SOX6: variants seen among roughly 807,000 people sequenced by gnomAD.
SOX6 encodes transcription factor SOX-6.
Under a neutral mutation model 97.8 loss-of-function variants are expected in SOX6, and 11 were observed. The ratio of observed to expected loss-of-function variants is 0.11; its 90% CI spans 0.07 to 0.19. The LOEUF (loss-of-function observed/expected upper bound fraction) is 0.19. Ranked by LOEUF, SOX6 falls within the 10% of genes least tolerant of loss-of-function variation. The probability of loss-of-function intolerance (pLI) is 1.00; values close to 1 mark genes in which losing one functional copy is unlikely to be tolerated. For missense variants in SOX6, 810 were observed against 1,039.5 expected, an observed-to-expected ratio of 0.78 and a Z score of 3.04; for synonymous variants, 360 against 371.4, an observed-to-expected ratio of 0.97 and a Z score of 0.35.
chr11:16,328,629 G>A (rs1856180077), intron 2 of SOX6, among the ~76,000 whole-genome samples: 1 of 152,096 alleles, frequency 6.6e-6, no homozygotes, highest in Non-Finnish European at 1.5e-5. Context: ...GACAATATAT[G>A]TAACATTTTT....
intron 6 of SOX6, among the ~76,000 whole-genome samples, chr11:16,153,762 A>G (rs559005514): frequency 9.9e-4 from 151 of 152,294 alleles, no homozygotes; most frequent in Non-Finnish European, 1.7e-3. Context: ...TGAGACAGAT[A>G]TGTGATCTCA....
chr11:16,564,670 C>T lies in SOX6; in HGVS notation n.609+47411G>A, dbSNP rs1265610241. Reference sequence around the variant, plus strand: ...TCAGTAAGAAAGAAAGAACTATCTCCAAATCCTTGGAAACTAAGCAACACA... The same window carrying T: ...TCAGTAAGAAAGAAAGAACTATCTCTAAATCCTTGGAAACTAAGCAACACA... On this transcript the variant is annotated intron_variant and non_coding_transcript_variant, in intron 4 of 5. Transcript: ENST00000524520. 2.0e-5 allele frequency among the ~76,000 whole-genome samples: 3 copies of T among 151,910 alleles called. No homozygotes were observed. In the East Asian group the frequency reaches 5.8e-4, roughly 29 times the overall value.
intron 3 of SOX6, among the ~76,000 whole-genome samples, chr11:16,250,267 A>C (rs1438322418): frequency 8.2e-6 from 1 of 121,922 alleles, no homozygotes; most frequent in Non-Finnish European, 1.7e-5. Context: ...TATAAAACAT[A>C]ATTGCAAGCC....
chr11:16,132,111 C>G (rs949616196), intron 6 of SOX6, among the ~76,000 whole-genome samples: 1 of 151,164 alleles, frequency 6.6e-6, no homozygotes, highest in Admixed American at 6.6e-5. Flanking sequence ...TATGAGATGA[C>G]TGTGATTAAG....
At chr11:16,028,960 T>A (rs1356393636) in intron 12 of SOX6, among the ~76,000 whole-genome samples, 1 of 152,242 alleles carries the variant, frequency 6.6e-6, no homozygotes, top group Non-Finnish European at 1.5e-5. Context: ...ACAAGGCTCG[T>A]CATCTTCACA....
chr11:16,581,773 C>T (rs1312299107), intron 4 of SOX6, among the ~76,000 whole-genome samples: 1 of 151,826 alleles, frequency 6.6e-6, no homozygotes, highest in Non-Finnish European at 1.5e-5. Context: ...ACCAACCTGG[C>T]CAAGATGATG....
chr11:16,667,120 G>A (rs1025933836), intron 3 of SOX6, among the ~76,000 whole-genome samples: 19 of 150,372 alleles, frequency 1.3e-4, no homozygotes, highest in African/African-American at 4.7e-4. Flanking sequence ...CAGCTGAGTA[G>A]TCCCAGCTAC....
Position 16,111,921 on chromosome 11 carries a change from A to G in SOX6, c.780T>C (p.Val260=), listed in dbSNP as rs1255209802. The change falls in exon 7 of 16, where the codon GTT becomes GTC. Residue 260 remains valine (V), a splice_region_variant and synonymous_variant. Coordinates refer to ENST00000683767, the MANE Select transcript of SOX6 (RefSeq NM_001367873.1). ...KINLLQQQIQ[V]QGHMPPLMIP... is the part of the protein sequence containing the mutation. The stretch of plus-strand genomic sequence containing the variant: ...TCATGAGCGGAGGCATGTGACCCTG[A>G]ACCTGCTAAACAGAAGAGAGCCTAT... 1 of 1,612,142 alleles carries G rather than the reference A, an allele frequency of 6.2e-7. No homozygotes were observed. Among genetic ancestry groups the G allele is most frequent in the South Asian group, 1.1e-5 (1 of 90,996 alleles).
intron 3 of SOX6, among the ~76,000 whole-genome samples, chr11:16,699,395 G>A (rs555408802): frequency 6.6e-6 from 1 of 151,994 alleles, no homozygotes; most frequent in Non-Finnish European, 1.5e-5. Flanking sequence ...AGAAACTTAT[G>A]GTCATGTTTC....
intron 4 of SOX6, among the ~76,000 whole-genome samples, chr11:16,521,927 G>T (rs1861071778): frequency 6.6e-6 from 1 of 151,996 alleles, no homozygotes; most frequent in African/African-American, 2.4e-5. Flanking sequence ...GAAGTTTAGA[G>T]AAAAAAAGAA....
At chr11:16,729,922 G>T (rs957648523) in intron 2 of SOX6, among the ~76,000 whole-genome samples, 31 of 151,762 alleles carry the variant, frequency 2.0e-4, no homozygotes, top group African/African-American at 7.2e-4. Flanking sequence ...GTTGCAATCC[G>T]AGTCTCTGAT....
chr11:16,186,281 T>C (rs1433971777), intron 5 of SOX6, among the ~76,000 whole-genome samples: 1 of 152,174 alleles, frequency 6.6e-6, no homozygotes, highest in Non-Finnish European at 1.5e-5. Flanking sequence ...AGGGTATTAT[T>C]ACTCTAGAAA....
At chr11:16,702,946 GTA>G (rs977760540) in intron 3 of SOX6, among the ~76,000 whole-genome samples, 4 of 148,838 alleles carry the variant, frequency 2.7e-5, no homozygotes, top group Non-Finnish European at 5.9e-5. Flanking sequence ...TCCTTCATAT[GTA>G]TATATATATA....
At chr11:16,105,243 C>T (rs1380015237) in intron 7 of SOX6, among the ~76,000 whole-genome samples, 1 of 151,682 alleles carries the variant, frequency 6.6e-6, no homozygotes, top group Non-Finnish European at 1.5e-5. Flanking sequence ...AAATCAGTGT[C>T]AAGCATTACA....
intron 3 of SOX6, among the ~76,000 whole-genome samples, chr11:16,621,106 A>T (rs78969152): frequency 4.1e-4 from 62 of 152,320 alleles, no homozygotes; most frequent in Non-Finnish European, 8.1e-4. Context: ...CTTACATAAG[A>T]GGTGTCCTGT....
intron 9 of SOX6, among the ~76,000 whole-genome samples, chr11:16,074,898 G>A (rs1207051856): frequency 1.3e-5 from 2 of 152,040 alleles, no homozygotes; most frequent in Non-Finnish European, 1.5e-5. Context: ...CCAAAAAAGA[G>A]CTTGAATAGC....
At chr11:16,126,246 CTG>C (rs1849609018) in intron 6 of SOX6, among the ~76,000 whole-genome samples, 1 of 152,056 alleles carries the variant, frequency 6.6e-6, no homozygotes, top group Admixed American at 6.6e-5. Context: ...TGATCTAAAA[CTG>C]TGATGATCAA....
intron 4 of SOX6, among the ~76,000 whole-genome samples, chr11:16,541,970 A>G (rs1861416224): frequency 6.6e-6 from 1 of 152,208 alleles, no homozygotes; most frequent in South Asian, 2.1e-4. Context: ...CTGGGTATAT[A>G]CCCAAAGGAT....
intron 9 of SOX6, among the ~76,000 whole-genome samples, chr11:16,091,121 T>C (rs1848677083): frequency 6.6e-6 from 1 of 152,032 alleles, no homozygotes; most frequent in African/African-American, 2.4e-5. Context: ...CTACAGCTCA[T>C]CTAAGCCTAG....
Sources: gnomAD v4.1 joint callset for allele counts (sites outside exome capture counted in the v4.1 genomes callset) on GRCh38, gnomAD v4.1.1 for gene constraint, MANE v1.5 for transcripts, NCBI Gene and HGNC (gene_info 2026-07-23, HGNC 2026-07-21) for gene names.